Variants in MTA3 observed in about 807,000 individuals in gnomAD.
MTA3 encodes metastasis associated 1 family member 3, also known as metastasis-associated protein MTA3.
A neutral mutation model predicts 83.5 loss-of-function variants in MTA3; 34 were observed. The ratio of observed to expected loss-of-function variants is 0.41; its 90% CI spans 0.31 to 0.54. The LOEUF is 0.54. MTA3 is among the 20% of genes least tolerant of loss of function. MTA3 has a pLI of 0.33. For missense variants in MTA3, 761 were observed against 726.4 expected (o/e 1.05, Z -0.55); for synonymous variants, 303 against 252.7 (o/e 1.20, Z -1.89).
intron 16 of MTA3, among the ~76,000 whole-genome samples, chr2:42,746,173 AC>A (rs1669405403): frequency 6.6e-6 from 1 of 152,144 alleles, no homozygotes; most frequent in African/African-American, 2.4e-5. Context: ...TGATTTTAAT[AC>A]GGTGACACCA....
At chr2:42,534,413 C>A (rs1237546879) in intron 2 of MTA3, among the ~76,000 whole-genome samples, 1 of 151,882 alleles carries the variant, frequency 6.6e-6, no homozygotes, top group African/African-American at 2.4e-5. Context: ...CTGGCCAACA[C>A]GGCAAAACCC....
chr2:42,694,461 G>A (rs897922904), intron 9 of MTA3, among the ~76,000 whole-genome samples: 8 of 152,176 alleles, frequency 5.3e-5, no homozygotes, highest in African/African-American at 1.7e-4. Flanking sequence ...ATTACCCTCT[G>A]GCTAGGTCTG....
At chr2:42,697,224 C>T (rs557856728) in intron 10 of MTA3, among the ~76,000 whole-genome samples, 1 of 152,218 alleles carries the variant, frequency 6.6e-6, no homozygotes, top group East Asian at 1.9e-4. Flanking sequence ...TAATTGGTTC[C>T]AGTAGAATAT....
At chr2:42,565,365 T>C (rs972887486), upstream of MTA3, among the ~76,000 whole-genome samples, 8 of 151,316 alleles carry the variant, frequency 5.3e-5, no homozygotes, top group Admixed American at 5.3e-4. Context: ...TTTTTTTTTT[T>C]TGGTAGAGGT....
At chr2:42,590,938 G>C (rs756294679) in intron 3 of MTA3, among the ~76,000 whole-genome samples, 3 of 152,110 alleles carry the variant, frequency 2.0e-5, no homozygotes, top group Non-Finnish European at 2.9e-5. Context: ...TTGAGGTACT[G>C]TAATTTGACC....
chr2:42,538,774 T>TG (rs1470433617), intron 2 of MTA3, among the ~76,000 whole-genome samples: 31 of 116,952 alleles, frequency 2.7e-4, no homozygotes, highest in Non-Finnish European at 4.9e-4. Flanking sequence ...TTTGTTTTTT[T>TG]TTGTTTTTTT....
At chr2:42,531,160 T>C (rs1675945852) in intron 2 of MTA3, among the ~76,000 whole-genome samples, 1 of 152,102 alleles carries the variant, frequency 6.6e-6, no homozygotes, top group African/African-American at 2.4e-5. Flanking sequence ...GTGGAGCCTG[T>C]TGGTAAGTAA....
In MTA3 at chr2:42,516,176, C is replaced by T. The variant is rs190590290; in HGVS notation, c.-141+20922C>T. Among the ~76,000 whole-genome samples, 28 of 152,240 alleles carry T rather than the reference C, an allele frequency of 1.8e-4. No homozygotes were observed. In the East Asian group the frequency reaches 5.4e-3, roughly 29 times the overall value. Reference sequence around the variant, plus strand: ...TCATGATCTGCCCGCCTCAGCCTCCCAAAGTGCTGGGATCAGGCATGAGCC... The same window carrying T: ...TCATGATCTGCCCGCCTCAGCCTCCTAAAGTGCTGGGATCAGGCATGAGCC... On this transcript the variant is annotated intron_variant, in intron 2 of 17. Transcript: ENST00000405592.
chr2:42,699,986 C>G (rs551207820), intron 11 of MTA3, among the ~76,000 whole-genome samples: 20 of 152,090 alleles, frequency 1.3e-4, no homozygotes, highest in African/African-American at 4.6e-4. Flanking sequence ...AAAATGATAG[C>G]TAGGCGAGTA....
chr2:42,572,204 G>A (rs199751717), intron 2 of MTA3, among the ~76,000 whole-genome samples: 1 of 151,946 alleles, frequency 6.6e-6, no homozygotes, highest in Non-Finnish European at 1.5e-5. Flanking sequence ...GGGTGAACCT[G>A]GGGGGTGGAG....
intron 3 of MTA3, among the ~76,000 whole-genome samples, chr2:42,608,804 A>G (rs1330460314): frequency 6.6e-6 from 1 of 152,104 alleles, no homozygotes; most frequent in Non-Finnish European, 1.5e-5. Flanking sequence ...GAATTGCTTG[A>G]ACCTAGGTGG....
intron 8 of MTA3, among the ~76,000 whole-genome samples, chr2:42,675,709 C>T (rs556234081): frequency 5.3e-5 from 8 of 152,240 alleles, no homozygotes; most frequent in African/African-American, 9.6e-5. Flanking sequence ...ACTGATAAAC[C>T]GCAAGTCGTT....
intron 8 of MTA3, among the ~76,000 whole-genome samples, chr2:42,663,403 T>G (rs1432225367): frequency 6.6e-6 from 1 of 152,214 alleles, no homozygotes; most frequent in East Asian, 1.9e-4. Flanking sequence ...TTGTTGTCAG[T>G]GAAGGTGATA....
intron 3 of MTA3, among the ~76,000 whole-genome samples, chr2:42,584,562 A>G (rs1316134652): frequency 1.4e-5 from 2 of 147,042 alleles, no homozygotes; most frequent in Admixed American, 6.8e-5. Flanking sequence ...TTTTTTTGGG[A>G]TGGAGTCTAG....
At chr2:42,536,858 C>CAA (rs71410118) in intron 2 of MTA3, among the ~76,000 whole-genome samples, 1,818 of 84,188 alleles carry the variant, frequency 0.022, 68 homozygotes, top group Non-Finnish European at 0.03. Flanking sequence ...GACCCCATCT[C>CAA]AAAAAAAAAA....
chr2:42,614,296 C>T (rs1684583722), intron 4 of MTA3: 1 of 152,102 alleles, frequency 6.6e-6, no homozygotes, highest in Non-Finnish European at 1.5e-5. Flanking sequence ...GGGGTTTCTC[C>T]ATGTTGGTCA....
intron 2 of MTA3, among the ~76,000 whole-genome samples, chr2:42,551,379 T>C (rs1677104399): frequency 6.6e-6 from 1 of 151,734 alleles, no homozygotes; most frequent in African/African-American, 2.4e-5. Context: ...TTAGTAGAAA[T>C]GGGGTTTCAC....
chr2:42,498,156 G>A (rs1278286766), intron 2 of MTA3, among the ~76,000 whole-genome samples: 1 of 152,166 alleles, frequency 6.6e-6, no homozygotes, highest in Non-Finnish European at 1.5e-5. Context: ...CCCTTGCCCT[G>A]CTGTTAATTC....
chr2:42,554,004 CG>C (rs1558432205), intron 2 of MTA3, among the ~76,000 whole-genome samples: 1 of 151,558 alleles, frequency 6.6e-6, no homozygotes, highest in Non-Finnish European at 1.5e-5. Flanking sequence ...GAGGCCGAGG[CG>C]GGTGGATCAC....
Sources: allele counts gnomAD v4.1 joint callset (sites outside exome capture counted in the v4.1 genomes callset), GRCh38; gene constraint gnomAD v4.1.1; transcripts MANE v1.5; gene names NCBI Gene and HGNC (gene_info 2026-07-23, HGNC 2026-07-21).